Variants in ANGPTL1 observed in about 807,000 individuals in gnomAD.
ANGPTL1 encodes angiopoietin-related protein 1.
A neutral mutation model predicts 46.7 loss-of-function variants in ANGPTL1; 36 were observed. That is an observed-to-expected ratio of 0.77 (90% CI 0.59 to 1.02). ANGPTL1 has a LOEUF of 1.02. Ranked by LOEUF, ANGPTL1 falls within the 50% of genes least tolerant of loss-of-function variation. The pLI is 0.00. For missense variants in ANGPTL1, 571 were observed against 594.7 expected (o/e 0.96, Z 0.41); for synonymous variants, 221 against 204.3 (o/e 1.08, Z -0.69).
At chr1:178,856,190 CAG>C (rs139246466) in intron 3 of ANGPTL1, among the ~76,000 whole-genome samples, 2,652 of 68,774 alleles carry the variant, frequency 0.039, 71 homozygotes, top group South Asian at 0.12. Flanking sequence ...TGTACTTTTC[CAG>C]AGAGAGAGAG....
intron 2 of ANGPTL1, 67 bp from the exon 3 acceptor site, chr1:178,865,869 A>G: frequency 1.0e-6 from 1 of 971,406 alleles, no homozygotes; most frequent in Non-Finnish European, 1.5e-6. Flanking sequence ...TGTTAAAGTC[A>G]GTAATCTTAA....
At chr1:178,864,310 T>C (rs572476183) in intron 3 of ANGPTL1, among the ~76,000 whole-genome samples, 1 of 152,276 alleles carries the variant, frequency 6.6e-6, no homozygotes, top group African/African-American at 2.4e-5. Context: ...TTTATATTTC[T>C]TAGGATACAC....
chr1:178,864,726 C>G (rs1658263592), intron 3 of ANGPTL1, among the ~76,000 whole-genome samples: 1 of 152,056 alleles, frequency 6.6e-6, no homozygotes, highest in Non-Finnish European at 1.5e-5. Context: ...GGATGGAAGA[C>G]TGGTTTTTTT....
rs755337121 is a variant in ANGPTL1 at position 178,852,710 on chromosome 1, G to T, written c.1261C>A (p.Leu421Met). Residue 421 changes from leucine to methionine, a missense_variant, in exon 5 of 6, where the codon CTG becomes ATG. Leu to Met is a conservative substitution (Grantham distance 15). Coordinates refer to ENST00000234816, the MANE Select transcript of ANGPTL1 (RefSeq NM_004673.4). ...MWHNGKQFTT[L>M]DRDKDMYAGN... ...GCATACATATCTTTATCTCTGTCCA[G>T]TGTGGTGAATTGTTTACCATTATGC... 7 of 1,613,602 alleles carry T rather than the reference G, an allele frequency of 4.3e-6. No homozygotes were observed. Among genetic ancestry groups the T allele is most frequent in the Non-Finnish European group, 5.1e-6 (6 of 1,179,768 alleles).
chr1:178,865,304 AT>A lies in ANGPTL1; in HGVS notation c.472del (p.Ile158SerfsTer9), dbSNP rs1558159551. 3 of 1,613,990 alleles carry A rather than the reference AT, an allele frequency of 1.9e-6. No individual in the cohort carries two copies. Among genetic ancestry groups the A allele is most frequent in the Non-Finnish European group, 2.5e-6 (3 of 1,179,958 alleles). On this transcript the variant is annotated frameshift_variant, in exon 3 of 6. Coordinates refer to ENST00000234816, the MANE Select transcript of ANGPTL1 (RefSeq NM_004673.4). LOFTEE classifies it high-confidence loss of function. Reference sequence around the variant, plus strand: ...CAACATTTCTGTGGTGACATTGAGGATTTTGTTTTCCAGTTGGGAAAGTTCA... The same window carrying A: ...CAACATTTCTGTGGTGACATTGAGGATTTGTTTTCCAGTTGGGAAAGTTCA... ...SLELSQLENK[I>X]LNVTTEMLKM...
At chr1:178,869,091 T>C (rs1031651648) in intron 2 of ANGPTL1, 23 bp downstream of exon 2, 1 of 152,088 alleles carries the variant, frequency 6.6e-6, no homozygotes, top group African/African-American at 2.4e-5. Flanking sequence ...GAGAATGTTA[T>C]AAATTAGTTA....
At chr1:178,861,183 C>G (rs1338746038) in intron 3 of ANGPTL1, among the ~76,000 whole-genome samples, 1 of 152,090 alleles carries the variant, frequency 6.6e-6, no homozygotes, top group Non-Finnish European at 1.5e-5. Context: ...CATTAATGTA[C>G]TAATTAGTAT....
chr1:178,863,844 G>T (rs772547743), intron 3 of ANGPTL1, among the ~76,000 whole-genome samples: 2 of 152,182 alleles, frequency 1.3e-5, no homozygotes, highest in Non-Finnish European at 2.9e-5. Context: ...TAGCGAAGTG[G>T]TATTCACTGA....
In ANGPTL1 at chr1:178,859,195, C is replaced by T. The variant is rs147523768; in HGVS notation, c.824-5408G>A. Among the ~76,000 whole-genome samples, 402 of 152,168 alleles carry T rather than the reference C, an allele frequency of 2.6e-3. 3 individuals are homozygous for T. The highest frequency in any genetic ancestry group is 8.8e-3 in the African/African-American group (366 of 41,520). ...CGTTCTCATAACTGGCTAATACAGT[C>T]ATTTTCCAACAGCACCTTGGCTTAA... On this transcript the variant is annotated intron_variant, in intron 3 of 5. Transcript: ENST00000234816.
chr1:178,853,836 A>G, intron 3 of ANGPTL1, 49 bp from the exon 4 acceptor site: 2 of 1,428,758 alleles, frequency 1.4e-6, no homozygotes, highest in African/African-American at 1.5e-5. Flanking sequence ...ATGAGAAGAG[A>G]CATGTTAAAA....
In ANGPTL1 at chr1:178,852,679, T is replaced by G; in HGVS notation, c.1288+4A>C. 1 of 1,604,700 alleles carries G rather than the reference T, an allele frequency of 6.2e-7. No homozygotes were observed. Among genetic ancestry groups the G allele is most frequent in the Non-Finnish European group, 8.5e-7 (1 of 1,175,364 alleles). Reference sequence around the variant, plus strand: ...TACAAAGAATGAAAGTTTTTCATACTTACCTGCATACATATCTTTATCTCT... The same window carrying G: ...TACAAAGAATGAAAGTTTTTCATACGTACCTGCATACATATCTTTATCTCT... On this transcript the variant is annotated splice_donor_region_variant and intron_variant, in intron 5 of 5. Transcript: ENST00000234816.
At chr1:178,856,234 T>TATATATACAC (rs1368301659) in intron 3 of ANGPTL1, among the ~76,000 whole-genome samples, 4 of 128,768 alleles carry the variant, frequency 3.1e-5, no homozygotes, top group Admixed American at 8.0e-5. Flanking sequence ...TATATATATA[T>TATATATACAC]GGTTTTGGGT....
At chr1:178,863,026 A>G (rs1658141876) in intron 3 of ANGPTL1, among the ~76,000 whole-genome samples, 1 of 152,194 alleles carries the variant, frequency 6.6e-6, no homozygotes, top group South Asian at 2.1e-4. Context: ...TTATGCAGTA[A>G]ATACTGTTAT....
rs1247404817 is a variant in ANGPTL1 at position 178,859,822 on chromosome 1, C to CT, written c.823+5131_823+5132insA. Among the ~76,000 whole-genome samples the CT allele has an allele frequency of 1.0e-4, 5 of 49,026 alleles. 1 individual carries two copies. The highest frequency in any genetic ancestry group is 4.6e-4 in the African/African-American group (5 of 10,820). The allele number at this position is 49,026 out of a possible 152,430, so 32.2% of individuals were successfully genotyped here. A position where few individuals can be genotyped will look rare whatever the true frequency, so the allele number is the denominator to read the frequency against. On this transcript the variant is annotated intron_variant, in intron 3 of 5. Transcript: ENST00000234816. ...ATGCCATTCTCCTGCCTCTGCCCGC[C>CT]CCCCCCCCCCCAACCGCCCAAGTAG...
intron 2 of ANGPTL1, among the ~76,000 whole-genome samples, chr1:178,866,816 T>A (rs1658441323): frequency 6.6e-6 from 1 of 152,148 alleles, no homozygotes; most frequent in South Asian, 2.1e-4. Context: ...CTTAGAATGT[T>A]TCGTTTTTGC....
Position 178,865,487 on chromosome 1 carries a change from C to G in ANGPTL1, c.290G>C (p.Arg97Pro). Reference protein sequence around the residue: ...NLKDVLSRQKREIDVLQLVVD... With the variant: ...NLKDVLSRQKPEIDVLQLVVD... ...CACCAGTTGCAGAACATCTATCTCC[C>G]GCTTCTGCCTGGAGAGCACATCCTT... is the stretch of plus-strand genomic sequence containing the variant. Residue 97 changes from arginine to proline, a missense_variant, in exon 3 of 6, where the codon CGG becomes CCG. Transcript: ENST00000234816. 6.2e-7 allele frequency: 1 copy of G among 1,614,052 alleles called. No homozygotes were observed. Among genetic ancestry groups the G allele is most frequent in the South Asian group, 1.1e-5 (1 of 91,066 alleles).
chr1:178,869,189 A>G lies in ANGPTL1; in HGVS notation c.-102T>C, dbSNP rs532007876. 1.9e-4 allele frequency: 29 copies of G among 152,220 alleles called. No homozygotes were observed. The highest frequency in any genetic ancestry group is 3.4e-3 in the Middle Eastern group (1 of 294). The allele number at this position is 152,220 out of a possible 1,614,324, so 9.4% of individuals were successfully genotyped here. On this transcript the variant is annotated 5_prime_UTR_variant, in exon 2 of 6. Coordinates refer to ENST00000234816, the MANE Select transcript of ANGPTL1 (RefSeq NM_004673.4). ...TTCTATGCGTTGGGTTAATTTTATTAGTAGCTTTTCTCTTCATAGTTGCTA... is the reference window on the plus strand; with the variant it reads ...TTCTATGCGTTGGGTTAATTTTATTGGTAGCTTTTCTCTTCATAGTTGCTA...
Position 178,851,296 on chromosome 1 carries a change from T to C in ANGPTL1, c.1309A>G (p.Lys437Glu), listed in dbSNP as rs1008951418. The C allele has an allele frequency of 3.7e-5, 60 of 1,611,158 alleles. No homozygotes were observed. Among genetic ancestry groups the C allele is most frequent in the Non-Finnish European group, 4.9e-5 (58 of 1,179,082 alleles). ...CAGGCATTGTACCACCAGCCTCCTT[T>C]ATGAAAGTGGGCGCAGTTTCCTTTG... ...MYAGNCAHFH[K>E]GGWWYNACAH... Residue 437 changes from lysine to glutamate, a missense_variant, in exon 6 of 6, where the codon AAA (lysine) becomes GAA (glutamate). Lys to Glu is a moderately conservative substitution (Grantham distance 56). Transcript: ENST00000234816.
chr1:178,851,699 A>G (rs1448271660), intron 5 of ANGPTL1, among the ~76,000 whole-genome samples: 1 of 152,208 alleles, frequency 6.6e-6, no homozygotes, highest in Non-Finnish European at 1.5e-5. Flanking sequence ...ATAGCAAAAA[A>G]TAATACAAAG....
Sources: allele counts gnomAD v4.1 joint callset (sites outside exome capture counted in the v4.1 genomes callset), GRCh38; gene constraint gnomAD v4.1.1; transcripts MANE v1.5; gene names NCBI Gene and HGNC (gene_info 2026-07-23, HGNC 2026-07-21).